The following CNKSR2 variants were observed in gnomAD, a reference collection of about 807,000 sequenced individuals.
The protein encoded by CNKSR2 is CNK homolog protein 2.
Under a neutral mutation model 84.4 loss-of-function variants are expected in CNKSR2, and 14 were observed. The observed-to-expected ratio is 0.17, with a 90% CI of 0.11 to 0.26. The LOEUF is 0.26. Ranked by LOEUF, CNKSR2 falls within the 10% of genes least tolerant of loss-of-function variation. The probability of loss-of-function intolerance (pLI) is 1.00; values close to 1 mark genes in which losing one functional copy is unlikely to be tolerated. For synonymous variants in CNKSR2, 275 were observed against 277.9 expected (o/e 0.99, Z 0.10); for missense variants, 485 against 771.2 (o/e 0.63, Z 4.40).
At chrX:21,405,528 T>G (rs1304766398) in intron 1 of CNKSR2, among the ~76,000 whole-genome samples, 1 of 111,850 alleles carries the variant, frequency 8.9e-6, no homozygotes, top group Non-Finnish European at 1.9e-5. Context: ...TATTGTTCTG[T>G]GTTTTTCAGT....
chrX:21,434,364 A>AT (rs2090676563), intron 3 of CNKSR2, among the ~76,000 whole-genome samples: 1 of 111,575 alleles, frequency 9.0e-6, no homozygotes, highest in South Asian at 3.7e-4. Flanking sequence ...TATCGTATCA[A>AT]TTTTTTATGG....
At chrX:21,566,797 G>A (rs1418696606) in intron 13 of CNKSR2, among the ~76,000 whole-genome samples, 1 of 111,464 alleles carries the variant, frequency 9.0e-6, no homozygotes, top group African/African-American at 3.3e-5. Flanking sequence ...CTGTTCTGTT[G>A]TGGAAAACGT....
intron 3 of CNKSR2, among the ~76,000 whole-genome samples, chrX:21,438,257 T>C: frequency 8.9e-6 from 1 of 112,095 alleles, no homozygotes; most frequent in Non-Finnish European, 1.9e-5. Flanking sequence ...CTATAGGCAA[T>C]TGTAACAGAA....
chrX:21,498,294 G>C (rs2147060228), intron 7 of CNKSR2, among the ~76,000 whole-genome samples: 1 of 111,822 alleles, frequency 8.9e-6, no homozygotes, highest in African/African-American at 3.2e-5. Flanking sequence ...GACATTCCTG[G>C]ACACCAGCAT....
At chrX:21,417,693 A>G (rs920216022) in intron 1 of CNKSR2, among the ~76,000 whole-genome samples, 1 of 110,813 alleles carries the variant, frequency 9.0e-6, no homozygotes, top group Admixed American at 9.6e-5. Flanking sequence ...CTTGAAATCT[A>G]TTTTTCCTGA....
intron 11 of CNKSR2, among the ~76,000 whole-genome samples, chrX:21,546,460 A>G (rs1569233889): frequency 9.0e-6 from 1 of 110,691 alleles, no homozygotes; most frequent in Non-Finnish European, 1.9e-5. Flanking sequence ...TGTTTGGTGT[A>G]CCTGAAAGTG....
chrX:21,639,374 C>T (rs183501289), intron 20 of CNKSR2, among the ~76,000 whole-genome samples: 48 of 111,907 alleles, frequency 4.3e-4, no homozygotes, highest in African/African-American at 1.5e-3. Flanking sequence ...CGCCAGTACA[C>T]GTATACTTAA....
chrX:21,595,082 G>GTTT, intron 16 of CNKSR2, 35 bp downstream of exon 16: 5 of 845,816 alleles, frequency 5.9e-6, no homozygotes, highest in East Asian at 3.9e-5. Context: ...GGGAACGATA[G>GTTT]TTTTTTTTTT....
At chrX:21,618,170 C>G (rs1021338017) in intron 20 of CNKSR2, among the ~76,000 whole-genome samples, 1 of 110,978 alleles carries the variant, frequency 9.0e-6, no homozygotes, top group Non-Finnish European at 1.9e-5. Flanking sequence ...AGTTTACCTA[C>G]GGATTTTAGC....
At chrX:21,650,277 G>A (rs961725911) in intron 21 of CNKSR2, among the ~76,000 whole-genome samples, 3 of 110,472 alleles carry the variant, frequency 2.7e-5, no homozygotes, top group Non-Finnish European at 3.8e-5. Context: ...CCTTTGCAGG[G>A]GCATAGATGA....
chrX:21,585,605 G>A (rs1204123512), intron 13 of CNKSR2, among the ~76,000 whole-genome samples: 1 of 110,540 alleles, frequency 9.0e-6, no homozygotes. Context: ...AGAAGAGTAG[G>A]AAAGAAGCAG....
chrX:21,411,141 A>C (rs1459192647), intron 1 of CNKSR2, among the ~76,000 whole-genome samples: 1 of 110,885 alleles, frequency 9.0e-6, no homozygotes, highest in Non-Finnish European at 1.9e-5. Context: ...CTATATTACT[A>C]TACAGTTTTT....
At chrX:21,412,252 C>G (rs2090355282) in intron 1 of CNKSR2, among the ~76,000 whole-genome samples, 1 of 112,085 alleles carries the variant, frequency 8.9e-6, no homozygotes, top group Non-Finnish European at 1.9e-5. Flanking sequence ...ACCACTTCCT[C>G]TTACCTCCCA....
At chrX:21,569,946 TG>T (rs1219683007) in intron 13 of CNKSR2, among the ~76,000 whole-genome samples, 1 of 112,168 alleles carries the variant, frequency 8.9e-6, no homozygotes, top group African/African-American at 3.2e-5. Flanking sequence ...CAGAAAACCA[TG>T]CTATAAATAG....
At chrX:21,549,650 A>G (rs1461452490) in intron 11 of CNKSR2, among the ~76,000 whole-genome samples, 3 of 111,894 alleles carry the variant, frequency 2.7e-5, no homozygotes, top group African/African-American at 9.8e-5. Context: ...GCATCACACT[A>G]CCTGACTTCA....
intron 11 of CNKSR2, among the ~76,000 whole-genome samples, chrX:21,553,004 A>T (rs773207165): frequency 8.9e-5 from 10 of 112,144 alleles, no homozygotes; most frequent in African/African-American, 3.2e-4. Flanking sequence ...TAAGCAACAC[A>T]TCATGTCATA....
chrX:21,468,163 G>A (rs2091152697), intron 4 of CNKSR2, among the ~76,000 whole-genome samples: 1 of 110,232 alleles, frequency 9.1e-6, no homozygotes, highest in Non-Finnish European at 1.9e-5. Flanking sequence ...ACTTCTCTAA[G>A]TCAGGGGCCA....
chrX:21,550,179 G>A (rs896025219), intron 11 of CNKSR2, among the ~76,000 whole-genome samples: 2 of 111,554 alleles, frequency 1.8e-5, no homozygotes, highest in Non-Finnish European at 3.8e-5. Context: ...TCTGACAAAG[G>A]GCTAATATCC....
At chrX:21,475,939 A>G (rs1368891649) in intron 5 of CNKSR2, among the ~76,000 whole-genome samples, 5 of 111,279 alleles carry the variant, frequency 4.5e-5, no homozygotes, top group Non-Finnish European at 7.5e-5. Context: ...TTTGAGCATC[A>G]TGTCAGTGCT....
Sources: gnomAD v4.1 joint callset for allele counts (sites outside exome capture counted in the v4.1 genomes callset) on GRCh38, gnomAD v4.1.1 for gene constraint, MANE v1.5 for transcripts, NCBI Gene and HGNC (gene_info 2026-07-23, HGNC 2026-07-21) for gene names.